Variants in RBMS3 observed in about 807,000 individuals in gnomAD.
RBMS3 encodes RNA-binding motif, single-stranded-interacting protein 3.
RBMS3 carries 27 observed loss-of-function variants against 66.8 expected under a neutral mutation model. The ratio of observed to expected loss-of-function variants is 0.40; its 90% confidence interval spans 0.30 to 0.56. The LOEUF is 0.56. Among genes scored for constraint, RBMS3 ranks in the 20% least tolerant of loss-of-function variants. The pLI is 0.40. For synonymous variants in RBMS3, 188 were observed against 183.0 expected (o/e 1.03, Z -0.22); for missense variants, 513 against 549.5 (o/e 0.93, Z 0.66).
At chr3:29,698,714 C>A in intron 4 of RBMS3, 2 of 636,748 alleles carry the variant, frequency 3.1e-6, no homozygotes, top group Non-Finnish European at 3.9e-6. Flanking sequence ...GTGGACTATG[C>A]TATTCTTAAT....
At chr3:29,698,394 T>G in intron 4 of RBMS3, 1 of 985,304 alleles carries the variant, frequency 1.0e-6, no homozygotes, top group Non-Finnish European at 1.2e-6. Context: ...TTTTTTTTCA[T>G]GTAAATTCTA....
At chr3:29,566,657 A>T (rs959048495) in intron 3 of RBMS3, among the ~76,000 whole-genome samples, 1 of 146,110 alleles carries the variant, frequency 6.8e-6, no homozygotes, top group Non-Finnish European at 1.5e-5. Context: ...AAAAAAAATT[A>T]GGGAAAAAGA....
intron 14 of RBMS3, among the ~76,000 whole-genome samples, chr3:30,000,861 G>C (rs570365767): frequency 6.6e-6 from 1 of 151,964 alleles, no homozygotes; most frequent in African/African-American, 2.4e-5. Context: ...ATCGGGGGTG[G>C]GCGCATCACA....
intron 14 of RBMS3, among the ~76,000 whole-genome samples, chr3:29,992,102 T>C (rs1467100993): frequency 1.3e-5 from 2 of 152,156 alleles, no homozygotes; most frequent in Admixed American, 6.5e-5. Flanking sequence ...TTCAACTTTG[T>C]AGATAGCAAT....
intron 4 of RBMS3, among the ~76,000 whole-genome samples, chr3:29,718,438 A>T (rs1298304911): frequency 4.6e-5 from 7 of 152,038 alleles, no homozygotes; most frequent in Non-Finnish European, 1.0e-4. Flanking sequence ...TAAGATAGGG[A>T]TGGGGAAAAT....
chr3:29,605,073 C>A (rs72856462), intron 4 of RBMS3, among the ~76,000 whole-genome samples: 2,155 of 151,858 alleles, frequency 0.014, 46 homozygotes, highest in African/African-American at 0.049. Context: ...TATTATGGTT[C>A]CATTCCTTCT....
chr3:29,983,055 G>T (rs539540325), intron 12 of RBMS3, among the ~76,000 whole-genome samples: 1 of 152,068 alleles, frequency 6.6e-6, no homozygotes, highest in Non-Finnish European at 1.5e-5. Context: ...TCTCTTTGTA[G>T]GTCTCTAAGA....
chr3:29,968,570 A>C (rs538248925), intron 12 of RBMS3, among the ~76,000 whole-genome samples: 1 of 152,082 alleles, frequency 6.6e-6, no homozygotes, highest in Non-Finnish European at 1.5e-5. Flanking sequence ...TCTTAACTTG[A>C]CTCAGCTCCA....
At chr3:29,967,671 T>C (rs1696943819) in intron 12 of RBMS3, among the ~76,000 whole-genome samples, 1 of 152,206 alleles carries the variant, frequency 6.6e-6, no homozygotes, top group Non-Finnish European at 1.5e-5. Context: ...GTTCAGGGCA[T>C]CTAATTCTTC....
At chr3:29,607,462 ATAT>A (rs759665052) in intron 4 of RBMS3, among the ~76,000 whole-genome samples, 24 of 152,020 alleles carry the variant, frequency 1.6e-4, no homozygotes, top group Non-Finnish European at 2.8e-4. Context: ...TTTTATAAGG[ATAT>A]TATTCCCATA....
At chr3:29,547,149 G>C (rs974680467) in intron 3 of RBMS3, among the ~76,000 whole-genome samples, 1 of 151,964 alleles carries the variant, frequency 6.6e-6, no homozygotes, top group African/African-American at 2.4e-5. Flanking sequence ...AATTTTTGTA[G>C]AGACAGGGTC....
At chr3:29,846,350 A>G (rs1349058668) in intron 6 of RBMS3, among the ~76,000 whole-genome samples, 2 of 152,094 alleles carry the variant, frequency 1.3e-5, no homozygotes, top group Admixed American at 6.5e-5. Flanking sequence ...GGTAGGTAAG[A>G]GTTTAGAGCT....
intron 1 of RBMS3, among the ~76,000 whole-genome samples, chr3:29,352,929 T>A (rs1471411269): frequency 6.6e-6 from 1 of 151,912 alleles, no homozygotes; most frequent in African/African-American, 2.4e-5. Context: ...ATTCATTCTT[T>A]TTTTTTTTAT....
chr3:29,343,780 A>T (rs2036416440), intron 1 of RBMS3, among the ~76,000 whole-genome samples: 2 of 152,184 alleles, frequency 1.3e-5, no homozygotes, highest in African/African-American at 4.8e-5. Context: ...GCTGCTTTTG[A>T]TCCTAAGGTC....
chr3:29,348,232 G>C (rs1242220162), intron 1 of RBMS3, among the ~76,000 whole-genome samples: 1 of 152,208 alleles, frequency 6.6e-6, no homozygotes, highest in Middle Eastern at 3.4e-3. Context: ...TTTTCGTCTT[G>C]TTTCAAGTCT....
chr3:29,971,076 C>G (rs955506779), intron 12 of RBMS3, among the ~76,000 whole-genome samples: 4 of 152,034 alleles, frequency 2.6e-5, no homozygotes, highest in Non-Finnish European at 4.4e-5. Context: ...ACTCACTTCT[C>G]CAGCTCCTCC....
At chr3:29,981,943 T>A (rs1698023775) in intron 12 of RBMS3, among the ~76,000 whole-genome samples, 1 of 152,208 alleles carries the variant, frequency 6.6e-6, no homozygotes, top group Admixed American at 6.5e-5. Flanking sequence ...CCTCATAAAA[T>A]GAGTTAGGGA....
chr3:29,915,155 TAAA>T (rs11297315), intron 10 of RBMS3, among the ~76,000 whole-genome samples: 29 of 147,810 alleles, frequency 2.0e-4, no homozygotes, highest in African/African-American at 6.6e-4. Context: ...AGAGTGTTCC[TAAA>T]AAAAAAAAAA....
chr3:29,665,991 C>T (rs2050738097), intron 4 of RBMS3, among the ~76,000 whole-genome samples: 1 of 152,108 alleles, frequency 6.6e-6, no homozygotes. Flanking sequence ...ACAGTTAACC[C>T]TCTCCTCACC....
Sources: gnomAD v4.1 joint callset for allele counts (sites outside exome capture counted in the v4.1 genomes callset) on GRCh38, gnomAD v4.1.1 for gene constraint, MANE v1.5 for transcripts, NCBI Gene and HGNC (gene_info 2026-07-23, HGNC 2026-07-21) for gene names.